The following LRP4 variants were observed in gnomAD, a reference collection of about 807,000 sequenced individuals.
The protein encoded by LRP4 is LDL receptor related protein 4, also known as low-density lipoprotein receptor-related protein 4.
LRP4 carries 95 observed loss-of-function variants against 220.3 expected under a neutral mutation model. The ratio of observed to expected loss-of-function variants is 0.43; its 90% confidence interval spans 0.37 to 0.51. LRP4 has a LOEUF of 0.51. Ranked by LOEUF, LRP4 falls within the 20% of genes least tolerant of loss-of-function variation. The pLI is 0.00. For synonymous variants in LRP4, 903 were observed against 954.6 expected, an observed-to-expected ratio of 0.95 and a Z score of 1.00; for missense variants, 1,925 against 2,567.0, an observed-to-expected ratio of 0.75 and a Z score of 5.40.
intron 18 of LRP4, 111 bp from the exon 19 acceptor site, chr11:46,884,087 C>T (rs1022919520): frequency 1.9e-5 from 15 of 806,364 alleles, no homozygotes; most frequent in Non-Finnish European, 3.0e-5. Context: ...AGTAGGGGCT[C>T]AAAAGATATT....
At chr11:46,861,339 GC>G (rs1247033351) in intron 37 of LRP4, among the ~76,000 whole-genome samples, 2 of 152,010 alleles carry the variant, frequency 1.3e-5, no homozygotes, top group Admixed American at 6.6e-5. Flanking sequence ...ACACATGAGA[GC>G]CCTGCAGGTG....
In LRP4 at chr11:46,904,163, C is replaced by T. The variant is rs1271945872; in HGVS notation, c.53-1234G>A. On this transcript the variant is annotated intron_variant, in intron 1 of 37. Transcript: ENST00000378623. ...AGCGCATGGCTCATCTCTCCCCCTTCCTTTCTTCTCCTCTTCCTTCCCTCA... is the reference window on the plus strand; with the variant it reads ...AGCGCATGGCTCATCTCTCCCCCTTTCTTTCTTCTCCTCTTCCTTCCCTCA... Among the ~76,000 whole-genome samples the T allele has an allele frequency of 2.6e-5, 4 of 152,344 alleles. No individual in the cohort carries two copies. The East Asian group carries it at 7.7e-4, about 29-fold the overall frequency.
intron 16 of LRP4, among the ~76,000 whole-genome samples, chr11:46,886,952 T>C (rs949265536): frequency 6.6e-6 from 1 of 152,222 alleles, no homozygotes; most frequent in Non-Finnish European, 1.5e-5. Flanking sequence ...TTTACAACTT[T>C]AAGCCAGTAG....
chr11:46,892,047 C>T (rs1302724136), intron 13 of LRP4, among the ~76,000 whole-genome samples: 1 of 152,190 alleles, frequency 6.6e-6, no homozygotes, highest in East Asian at 1.9e-4. Context: ...CCTTGCACCT[C>T]AGCCTCCCAC....
At position 46,875,880 on chromosome 11, in the gene LRP4, T is replaced by C; in HGVS notation, c.3623A>G (p.Asn1208Ser). Residue 1208 changes from asparagine to serine, a missense_variant, in exon 26 of 38, where the codon AAC (asparagine) becomes AGC (serine). Physicochemically the swap from Asn to Ser is conservative, Grantham distance 46 (BLOSUM62 1). Coordinates refer to ENST00000378623, the MANE Select transcript of LRP4 (RefSeq NM_002334.4). This position sits in a 1 kb window ranked among gnomAD's most constrained non-coding sequence, Gnocchi z 4.5. ...DGSDRAVLIN[N>S]NLGWPNGLTV... ...CAGTCCATTGGGCCATCCTAGGTTG[T>C]TGTTGATGAGCACCGCGCGGTCTGA... 1 of 1,614,148 alleles carries C rather than the reference T, an allele frequency of 6.2e-7. No individual in the cohort carries two copies. The highest frequency in any genetic ancestry group is 1.3e-5 in the African/African-American group (1 of 75,036).
At position 46,879,318 on chromosome 11, in the gene LRP4, GC is replaced by G. The variant is rs772847326; in HGVS notation, c.2815-4del. 2 of 1,613,912 alleles carry G rather than the reference GC, an allele frequency of 1.2e-6. No homozygotes were observed. The highest frequency in any genetic ancestry group is 1.7e-6 in the Non-Finnish European group (2 of 1,180,008). ...GGGAGCTGGCTTCCAATCAGCACCT[GC>G]CAGGGCCCCAACACTGTGTCATCTT... On this transcript the variant is annotated splice_polypyrimidine_tract_variant and splice_region_variant and intron_variant, in intron 20 of 37. Transcript: ENST00000378623.
Position 46,873,576 on chromosome 11 carries a change from C to G in LRP4, c.4247G>C (p.Gly1416Ala). The change falls in exon 29 of 38, where the codon GGC (glycine) becomes GCC (alanine). Residue 1416 changes from glycine to alanine, a missense_variant. By Grantham distance (60) the Gly-to-Ala change is moderately conservative. Around this residue, in one of 3 missense-constraint regions of LRP4, gnomAD observed 1,244 missense variants for 1,624.9 expected, o/e 0.77. Coordinates refer to ENST00000378623, the MANE Select transcript of LRP4 (RefSeq NM_002334.4). This position sits in a 1 kb window ranked among gnomAD's most constrained non-coding sequence, Gnocchi z 4.2. ...LDVIRRADLN[G>A]SNMETVIGRG... ...CCCGATCACTGTCTCCATGTTGCTG[C>G]CGTTCAGGTCTGCTCGCCTTGGGGA... 6.2e-7 allele frequency: 1 copy of G among 1,613,162 alleles called. No individual in the cohort carries two copies. Among genetic ancestry groups the G allele is most frequent in the Non-Finnish European group, 8.5e-7 (1 of 1,179,200 alleles).
intron 37 of LRP4, among the ~76,000 whole-genome samples, chr11:46,860,417 G>A (rs1940515702): frequency 6.6e-6 from 1 of 152,078 alleles, no homozygotes; most frequent in Admixed American, 6.5e-5. Context: ...TCCAGGCACA[G>A]CCTGGAGTTC....
At chr11:46,861,211 T>A (rs1940537411) in intron 37 of LRP4, among the ~76,000 whole-genome samples, 1 of 152,074 alleles carries the variant, frequency 6.6e-6, no homozygotes, top group Non-Finnish European at 1.5e-5. Context: ...TTTAAAAAAT[T>A]TTTAATTTCA....
At chr11:46,868,784 C>T in intron 32 of LRP4, 71 bp from the exon 33 acceptor site, 2 of 1,330,318 alleles carry the variant, frequency 1.5e-6, no homozygotes, top group Non-Finnish European at 2.2e-6. Flanking sequence ...TTCTCAAAAA[C>T]AGAGGAAATC....
At chr11:46,870,681 C>T (rs1940838627) in intron 31 of LRP4, among the ~76,000 whole-genome samples, 1 of 152,212 alleles carries the variant, frequency 6.6e-6, no homozygotes, top group African/African-American at 2.4e-5. Context: ...TGGCCTCAGC[C>T]AGAGTGCTGT....
intron 37 of LRP4, 148 bp downstream of exon 37, chr11:46,862,458 A>G (rs1940583365): frequency 2.3e-6 from 2 of 870,976 alleles, no homozygotes; most frequent in South Asian, 2.8e-5. Context: ...AGAAACCCAA[A>G]TTACATTCAG....
chr11:46,856,796 AG>A lies in LRP4; in HGVS notation c.*2186del, dbSNP rs1940386098. 1 of 152,576 alleles carries A rather than the reference AG, an allele frequency of 6.6e-6. No homozygotes were observed. The highest frequency in any genetic ancestry group is 2.4e-5 in the African/African-American group (1 of 41,460). 9.5% of individuals were successfully genotyped at this position (152,576 alleles called of 1,614,324 possible). ...GGACTTAAAAGTGATGTCTGTAAGC[AG>A]GTTTTCCACAGCATGGGTCTGCCAG... is the stretch of plus-strand genomic sequence containing the variant. On this transcript the variant is annotated 3_prime_UTR_variant, in exon 38 of 38. Transcript: ENST00000378623. This position sits in a 1 kb window ranked among gnomAD's most constrained non-coding sequence, Gnocchi z 4.1.
In LRP4 at chr11:46,899,716, G is replaced by C; in HGVS notation, c.430+147C>G. On this transcript the variant is annotated intron_variant, in intron 4 of 37. Coordinates refer to ENST00000378623, the MANE Select transcript of LRP4 (RefSeq NM_002334.4). This position sits in a 1 kb window ranked among gnomAD's most constrained non-coding sequence, Gnocchi z 5.9. ...CCACAGTTTCTGGGGGGTCTGAGCG[G>C]CTCTGCCCCCTCTGCGTTCCTCTAG... 2 of 815,024 alleles carry C rather than the reference G, an allele frequency of 2.5e-6. No individual in the cohort carries two copies. The highest frequency in any genetic ancestry group is 4.2e-6 in the Non-Finnish European group (2 of 473,436). The allele number at this position is 815,024 out of a possible 1,614,324, so 50.5% of individuals were successfully genotyped here.
chr11:46,881,172 T>C (rs1290522671), intron 20 of LRP4, among the ~76,000 whole-genome samples: 1 of 149,838 alleles, frequency 6.7e-6, no homozygotes, highest in Non-Finnish European at 1.5e-5. Context: ...TTTTAGGAAA[T>C]GTGCACAGGA....
chr11:46,895,663 T>TA (rs1941512319), intron 10 of LRP4, among the ~76,000 whole-genome samples: 1 of 152,242 alleles, frequency 6.6e-6, no homozygotes, highest in Non-Finnish European at 1.5e-5. Flanking sequence ...ATCCCAACTC[T>TA]GCTACTCGCC....
Position 46,877,394 on chromosome 11 carries a change from T to C in LRP4, c.3137-55A>G, listed in dbSNP as rs977784455. On this transcript the variant is annotated intron_variant, in intron 22 of 37. Coordinates refer to ENST00000378623, the MANE Select transcript of LRP4 (RefSeq NM_002334.4). ...ACTCGAGCACAGCCATTAAATGGATTTGGAATCAGGCAAACTGAAACTCAT... is the reference window on the plus strand; with the variant it reads ...ACTCGAGCACAGCCATTAAATGGATCTGGAATCAGGCAAACTGAAACTCAT... 8.1e-6 allele frequency: 13 copies of C among 1,603,582 alleles called. No homozygotes were observed. The African/African-American group carries it at 1.2e-4, about 15-fold the overall frequency.
At chr11:46,900,529 T>C in intron 2 of LRP4, 151 bp from the exon 3 acceptor site, 1 of 676,730 alleles carries the variant, frequency 1.5e-6, no homozygotes, top group Non-Finnish European at 2.7e-6. Flanking sequence ...TGGAGTACAG[T>C]GGCGCAATCT....
In LRP4 at chr11:46,890,394, G is replaced by T. The variant is rs767738892; in HGVS notation, c.1798C>A (p.Pro600Thr). 1 of 1,614,148 alleles carries T rather than the reference G, an allele frequency of 6.2e-7. No individual in the cohort carries two copies. The change falls in exon 14 of 38, where the codon CCC becomes ACC. Residue 600 changes from proline (P) to threonine (T), a missense_variant. By Grantham distance (38) the Pro-to-Thr change is conservative (BLOSUM62 -1). Transcript: ENST00000378623. This position sits in a 1 kb window ranked among gnomAD's most constrained non-coding sequence, Gnocchi z 5.3. ...GCATAGTCGATGGTGAGGCCATTGG[G>T]CCAGAAGAGATGGGTATCGGCAATG... Reference protein sequence around the residue: ...RIIADTHLFWPNGLTIDYAGR... With the variant: ...RIIADTHLFWTNGLTIDYAGR...
Sources: allele counts gnomAD v4.1 joint callset (sites outside exome capture counted in the v4.1 genomes callset), GRCh38; gene constraint gnomAD v4.1.1; regional missense constraint gnomAD v4.1.1; non-coding constraint Gnocchi (gnomAD v3.1); transcripts MANE v1.5; gene names NCBI Gene and HGNC (gene_info 2026-07-23, HGNC 2026-07-21).